The following PLXDC1 variants were observed in gnomAD, a reference collection of about 807,000 sequenced individuals.
PLXDC1 encodes the protein plexin domain containing 1, also known as plexin domain-containing protein 1.
Under a neutral mutation model 61.3 loss-of-function variants are expected in PLXDC1, and 39 were observed. The ratio of observed to expected loss-of-function variants is 0.64; its 90% CI spans 0.49 to 0.83. The LOEUF (loss-of-function observed/expected upper bound fraction) is 0.83, where lower values mean the gene tolerates loss of function less well. PLXDC1 is among the 40% of genes least tolerant of loss of function. PLXDC1 has a pLI of 0.00. For missense variants in PLXDC1, 596 were observed against 666.5 expected (o/e 0.89, Z 1.17); for synonymous variants, 212 against 254.5 (o/e 0.83, Z 1.59).
rs918457276 is a variant in PLXDC1, at chr17:39,067,240, T to G, written c.*600A>C. The G allele has an allele frequency of 6.6e-6, 1 of 152,268 alleles. No individual in the cohort carries two copies. The highest frequency in any genetic ancestry group is 6.5e-5 in the Admixed American group (1 of 15,290). The allele number at this position is 152,268 out of a possible 1,614,324, so 9.4% of individuals were successfully genotyped here. A position where few individuals can be genotyped will look rare whatever the true frequency, so the allele number is the denominator to read the frequency against. On this transcript the variant is annotated 3_prime_UTR_variant, in exon 14 of 14. Coordinates refer to ENST00000315392, the MANE Select transcript of PLXDC1 (RefSeq NM_020405.5). ...TATGCGGGCTTTGCCTTGTCTTTTA[T>G]GTTTAGGTCGGGGGAAAGGAAGGGG...
At chr17:39,148,764 A>G (rs2045356545) in intron 1 of PLXDC1, among the ~76,000 whole-genome samples, 1 of 150,276 alleles carries the variant, frequency 6.7e-6, no homozygotes, top group African/African-American at 2.5e-5. Context: ...GGGTCTCACT[A>G]TTTTGCCCAG....
chr17:39,083,644 C>A (rs1909642835), intron 8 of PLXDC1, 104 bp from the exon 9 acceptor site: 4 of 861,660 alleles, frequency 4.6e-6, no homozygotes, highest in Non-Finnish European at 7.7e-6. Context: ...GAGCCCCTGA[C>A]TTTGAGGAGA....
intron 11 of PLXDC1, among the ~76,000 whole-genome samples, chr17:39,075,279 TC>T (rs1451894619): frequency 1.3e-5 from 2 of 152,182 alleles, no homozygotes; most frequent in African/African-American, 2.4e-5. Context: ...TTTCATTGAA[TC>T]CCCTGCAGCA....
At chr17:39,110,740 A>G (rs945302439) in intron 2 of PLXDC1, among the ~76,000 whole-genome samples, 10 of 152,236 alleles carry the variant, frequency 6.6e-5, no homozygotes, top group African/African-American at 2.4e-4. Flanking sequence ...CCCTGGGCGC[A>G]GCGTGAGCAG....
intron 1 of PLXDC1, among the ~76,000 whole-genome samples, chr17:39,147,494 G>C (rs1437392789): frequency 6.6e-6 from 1 of 152,194 alleles, no homozygotes. Context: ...AGAGGGGCCA[G>C]GGAAGGCTCC....
chr17:39,133,099 A>C (rs1464274329), intron 2 of PLXDC1, among the ~76,000 whole-genome samples: 1 of 152,032 alleles, frequency 6.6e-6, no homozygotes, highest in Non-Finnish European at 1.5e-5. Context: ...AGTGATGCTG[A>C]GCTGTCAGAG....
rs16514 is a variant in PLXDC1, at chr17:39,151,138, G to A, written c.76+224C>T. Among the ~76,000 whole-genome samples, 10,517 of 152,204 alleles carry A rather than the reference G, an allele frequency of 0.069. 478 individuals are homozygous for A. Among genetic ancestry groups the A allele is most frequent in the East Asian group, 0.12 (634 of 5,172 alleles). On this transcript the variant is annotated intron_variant, in intron 1 of 13. Transcript: ENST00000315392. This position sits in a 1 kb window ranked among gnomAD's most constrained non-coding sequence, Gnocchi z 5.2. ...CTCCAGTATCCTTCCAGGAGAGAAG[G>A]AGAGGTCCGGGCATCGGTGTCTCCA...
At chr17:39,076,481 A>AG (rs1374260788) in intron 11 of PLXDC1, among the ~76,000 whole-genome samples, 1 of 150,798 alleles carries the variant, frequency 6.6e-6, no homozygotes, top group Non-Finnish European at 1.5e-5. Flanking sequence ...AGTGCACTCC[A>AG]GCCTGAGCAA....
intron 7 of PLXDC1, among the ~76,000 whole-genome samples, chr17:39,100,904 C>G (rs1227530605): frequency 6.6e-6 from 1 of 152,180 alleles, no homozygotes; most frequent in Non-Finnish European, 1.5e-5. Context: ...CGAGGGGGCT[C>G]AAATCAGCAG....
intron 7 of PLXDC1, among the ~76,000 whole-genome samples, chr17:39,102,571 G>A (rs1231332381): frequency 6.6e-6 from 1 of 152,114 alleles, no homozygotes; most frequent in Non-Finnish European, 1.5e-5. Flanking sequence ...GTTAAATTAA[G>A]GTCCATCCAT....
chr17:39,070,534 CA>C (rs1203566795), intron 12 of PLXDC1: 1 of 152,648 alleles, frequency 6.6e-6, no homozygotes, highest in Non-Finnish European at 1.5e-5. Context: ...CACTGAGGAC[CA>C]TGTCTCCCAT....
intron 2 of PLXDC1, among the ~76,000 whole-genome samples, chr17:39,123,070 A>G (rs1421746286): frequency 1.3e-5 from 2 of 152,216 alleles, no homozygotes; most frequent in East Asian, 1.9e-4. Flanking sequence ...CTAGGATCAA[A>G]CATATTGTCT....
intron 2 of PLXDC1, among the ~76,000 whole-genome samples, chr17:39,125,981 C>T (rs201124110): frequency 5.9e-5 from 9 of 152,078 alleles, no homozygotes; most frequent in East Asian, 5.8e-4. Flanking sequence ...GGGCCGGGCG[C>T]GGTGGCTCAC....
chr17:39,117,374 T>C (rs908071282), intron 2 of PLXDC1, among the ~76,000 whole-genome samples: 3 of 152,186 alleles, frequency 2.0e-5, no homozygotes, highest in Non-Finnish European at 2.9e-5. Flanking sequence ...CAAGATCCCA[T>C]TCCTATTGTA....
At chr17:39,148,986 G>A (rs939055835) in intron 1 of PLXDC1, among the ~76,000 whole-genome samples, 1 of 152,070 alleles carries the variant, frequency 6.6e-6, no homozygotes, top group South Asian at 2.1e-4. Flanking sequence ...GCCAACTCTC[G>A]CTGCCTCTTC....
chr17:39,144,468 C>T (rs977253347), intron 1 of PLXDC1, among the ~76,000 whole-genome samples: 3 of 152,220 alleles, frequency 2.0e-5, no homozygotes, highest in African/African-American at 7.2e-5. Context: ...TCTTCCAACC[C>T]ATACTACATC....
At chr17:39,132,550 G>C (rs1321970668) in intron 2 of PLXDC1, among the ~76,000 whole-genome samples, 1 of 152,226 alleles carries the variant, frequency 6.6e-6, no homozygotes, top group African/African-American at 2.4e-5. Flanking sequence ...CCTCGGAGCT[G>C]CCAGCTCACC....
Position 39,108,920 on chromosome 17 carries a change from G to A in PLXDC1, c.453C>T (p.Ile151=), listed in dbSNP as rs1476067450. 9 of 1,612,996 alleles carry A rather than the reference G, an allele frequency of 5.6e-6. No individual in the cohort carries two copies. The Admixed American group carries it at 1.3e-4, about 24-fold the overall frequency. The part of the protein sequence containing the change: ...FPFYGHPLRQ[I]TIATGGFIFM... ...TGGCCTTACCTCCAGTTGCTATGGT[G>A]ATCTGCCGCAGAGGATGCCCGTAGA... Residue 151 remains isoleucine (I), a synonymous_variant, in exon 4 of 14, where the codon ATC becomes ATT. Coordinates refer to ENST00000315392, the MANE Select transcript of PLXDC1 (RefSeq NM_020405.5).
chr17:39,134,232 C>T (rs1482740613), intron 2 of PLXDC1, among the ~76,000 whole-genome samples: 12 of 148,088 alleles, frequency 8.1e-5, no homozygotes, highest in South Asian at 6.5e-4. Flanking sequence ...ACAGCCTGGG[C>T]GACAGAGCAA....
Sources: allele counts gnomAD v4.1 joint callset (sites outside exome capture counted in the v4.1 genomes callset), GRCh38; gene constraint gnomAD v4.1.1; non-coding constraint Gnocchi (gnomAD v3.1); transcripts MANE v1.5; gene names NCBI Gene and HGNC (gene_info 2026-07-23, HGNC 2026-07-21).